USP40: variants seen among roughly 807,000 people sequenced by gnomAD.
The protein encoded by USP40 is ubiquitin carboxyl-terminal hydrolase 40.
A neutral mutation model predicts 166.2 loss-of-function variants in USP40; 143 were observed. The observed-to-expected ratio is 0.86, with a 90% CI of 0.75 to 0.99. The LOEUF is 0.99. USP40 is among the 50% of genes least tolerant of loss of function. USP40 has a pLI of 0.00. For missense variants in USP40, 1,444 were observed against 1,479.7 expected, an observed-to-expected ratio of 0.98 and a Z score of 0.40; for synonymous variants, 498 against 524.0, an observed-to-expected ratio of 0.95 and a Z score of 0.68.
chr2:233,529,957 G>A (rs1287784446), intron 11 of USP40, among the ~76,000 whole-genome samples: 2 of 151,488 alleles, frequency 1.3e-5, no homozygotes, highest in African/African-American at 2.4e-5. Flanking sequence ...CTGCCACCAC[G>A]CCTGGCTAAT....
At chr2:233,555,636 CTT>C (rs1232616788) in intron 5 of USP40, among the ~76,000 whole-genome samples, 13 of 129,016 alleles carry the variant, frequency 1.0e-4, no homozygotes, top group Admixed American at 1.6e-4. Context: ...AAAAATCACT[CTT>C]TTTTTTTTTT....
intron 10 of USP40, among the ~76,000 whole-genome samples, chr2:233,534,185 G>C (rs1385848617): frequency 6.6e-6 from 1 of 152,204 alleles, no homozygotes; most frequent in Non-Finnish European, 1.5e-5. Flanking sequence ...AACCCAGACA[G>C]ACTCTGTTGG....
intron 13 of USP40, among the ~76,000 whole-genome samples, chr2:233,526,337 C>A (rs577172751): frequency 2.0e-4 from 30 of 152,268 alleles, no homozygotes; most frequent in African/African-American, 7.0e-4. Context: ...AAGATCCTTT[C>A]CATTTAAAAT....
intron 23 of USP40, among the ~76,000 whole-genome samples, chr2:233,497,964 C>G (rs1206789869): frequency 6.6e-6 from 1 of 152,230 alleles, no homozygotes; most frequent in Non-Finnish European, 1.5e-5. Flanking sequence ...ACAGCTCCCT[C>G]AGACTCCCCA....
intron 3 of USP40, 125 bp downstream of exon 3, chr2:233,562,611 T>C (rs2071745779): frequency 2.1e-6 from 1 of 483,766 alleles, no homozygotes; most frequent in Non-Finnish European, 3.2e-6. Context: ...GTATACCTAA[T>C]GCTAGATGAT....
At chr2:233,479,572 A>AAAAAG (rs2064415332) in intron 31 of USP40, among the ~76,000 whole-genome samples, 1 of 151,888 alleles carries the variant, frequency 6.6e-6, no homozygotes, top group African/African-American at 2.4e-5. Context: ...AAAAAAAAAA[A>AAAAAG]AAAATTTGGA....
chr2:233,557,938 A>G (rs938044117), intron 4 of USP40, among the ~76,000 whole-genome samples: 1 of 137,118 alleles, frequency 7.3e-6, no homozygotes, highest in Non-Finnish European at 1.5e-5. Context: ...CCTTGAACCC[A>G]GGGCTGCAGT....
At chr2:233,488,020 A>C in intron 28 of USP40, 1 of 696,450 alleles carries the variant, frequency 1.4e-6, no homozygotes, top group Non-Finnish European at 2.7e-6. Context: ...GTGATTACTG[A>C]AAAATTAATT....
intron 3 of USP40, among the ~76,000 whole-genome samples, chr2:233,560,457 G>A (rs962199467): frequency 6.6e-6 from 1 of 152,168 alleles, no homozygotes; most frequent in African/African-American, 2.4e-5. Flanking sequence ...ATTTAAAGGA[G>A]AATAAGCATT....
intron 18 of USP40, among the ~76,000 whole-genome samples, chr2:233,514,975 T>C (rs757407919): frequency 2.0e-5 from 3 of 152,206 alleles, no homozygotes; most frequent in Non-Finnish European, 4.4e-5. Flanking sequence ...TTTATTTGTC[T>C]AAAGTGTCCT....
intron 21 of USP40, 54 bp downstream of exon 21, chr2:233,509,995 C>G: frequency 7.1e-7 from 1 of 1,403,046 alleles, no homozygotes; most frequent in Non-Finnish European, 9.9e-7. Flanking sequence ...CTGTTCCTCA[C>G]AGCAAACATA....
At position 233,477,276 on chromosome 2, in the gene USP40, G is replaced by A. The variant is rs2064227008; in HGVS notation, c.*116C>T. The stretch of plus-strand genomic sequence containing the variant: ...CAGAGGAGCCGTCCCTGTGCTCAAA[G>A]GAAGCAGAGGATTTGGGATTGGAGG... On this transcript the variant is annotated 3_prime_UTR_variant, in exon 32 of 32. Coordinates refer to ENST00000678225, the MANE Select transcript of USP40 (RefSeq NM_001365479.2). 1 of 941,878 alleles carries A rather than the reference G, an allele frequency of 1.1e-6. No individual in the cohort carries two copies. Among genetic ancestry groups the A allele is most frequent in the Non-Finnish European group, 1.6e-6 (1 of 607,056 alleles). 58.3% of individuals were successfully genotyped at this position (941,878 alleles called of 1,614,324 possible).
In USP40 at chr2:233,475,715, G is replaced by C. The variant is rs1205977082; in HGVS notation, c.*1677C>G. The C allele has an allele frequency of 6.6e-6, 1 of 152,398 alleles. No homozygotes were observed. Among genetic ancestry groups the C allele is most frequent in the East Asian group, 1.9e-4 (1 of 5,304 alleles). The allele number at this position is 152,398 out of a possible 1,614,324, so 9.4% of individuals were successfully genotyped here. Reference sequence around the variant, plus strand: ...ACCCACACGCGTCTTTGGACTTGCAGACATTCCGCGAGGCTTCTGGCCTCT... The same window carrying C: ...ACCCACACGCGTCTTTGGACTTGCACACATTCCGCGAGGCTTCTGGCCTCT... On this transcript the variant is annotated 3_prime_UTR_variant, in exon 32 of 32. Coordinates refer to ENST00000678225, the MANE Select transcript of USP40 (RefSeq NM_001365479.2).
Position 233,559,869 on chromosome 2 carries a change from T to A in USP40, c.323A>T (p.Asp108Val). The change falls in exon 4 of 32, where the codon GAC becomes GTC. Residue 108 changes from aspartate (D) to valine (V), a missense_variant. By Grantham distance (152) the Asp-to-Val change is radical (BLOSUM62 -3). Transcript: ENST00000678225. ...GTCTGCTGTGGATGCAGCTTCCTGG[T>A]CTAAGAGCAGAAGCTGAGCAAACAA... ...QRLFAQLLLL[D>V]QEAASTADLT... 6.2e-7 allele frequency: 1 copy of A among 1,610,684 alleles called. No individual in the cohort carries two copies. Among genetic ancestry groups the A allele is most frequent in the Non-Finnish European group, 8.5e-7 (1 of 1,178,548 alleles).
chr2:233,487,399 T>C (rs2065014176), intron 28 of USP40, among the ~76,000 whole-genome samples: 1 of 152,226 alleles, frequency 6.6e-6, no homozygotes, highest in Non-Finnish European at 1.5e-5. Flanking sequence ...TGAAGAAATA[T>C]TTAACTATTT....
intron 8 of USP40, among the ~76,000 whole-genome samples, chr2:233,544,787 C>T (rs1457367552): frequency 6.6e-6 from 1 of 152,060 alleles, no homozygotes; most frequent in Non-Finnish European, 1.5e-5. Context: ...AAAAAAAATC[C>T]ACCTTACAAT....
intron 3 of USP40, chr2:233,561,153 G>A (rs2071565699): frequency 6.4e-7 from 1 of 1,572,584 alleles, no homozygotes; most frequent in Non-Finnish European, 8.6e-7. Context: ...AATCATAGAT[G>A]TAATACCTTT....
chr2:233,555,728 C>G (rs13394960), intron 5 of USP40, among the ~76,000 whole-genome samples: 1 of 151,014 alleles, frequency 6.6e-6, no homozygotes, highest in Non-Finnish European at 1.5e-5. Context: ...CTCCACCTCC[C>G]GGGTTCAAGC....
chr2:233,561,016 T>C (rs748721671), intron 3 of USP40: 20 of 1,005,926 alleles, frequency 2.0e-5, no homozygotes, highest in South Asian at 9.6e-5. Context: ...ACCCATAGGG[T>C]ATAGGCCAAG....
Sources: gnomAD v4.1 joint callset for allele counts (sites outside exome capture counted in the v4.1 genomes callset) on GRCh38, gnomAD v4.1.1 for gene constraint, MANE v1.5 for transcripts, NCBI Gene and HGNC (gene_info 2026-07-23, HGNC 2026-07-21) for gene names.